EEF1AKMT3: variants seen among roughly 807,000 people sequenced by gnomAD.
EEF1AKMT3 encodes eEF1A-KMT3.
In EEF1AKMT3, 17 loss-of-function variants were observed where a neutral mutation model predicts 17.8. The ratio of observed to expected loss-of-function variants is 0.96; its 90% CI spans 0.65 to 1.43. EEF1AKMT3 has a LOEUF of 1.43. EEF1AKMT3 is among the 40% of genes most tolerant of loss of function. The pLI is 0.00. For synonymous variants in EEF1AKMT3, 116 were observed against 126.5 expected (o/e 0.92, Z 0.56); for missense variants, 244 against 285.8 (o/e 0.85, Z 1.06).
At chr12:57,775,047 G>A (rs12297635) in intron 2 of EEF1AKMT3, among the ~76,000 whole-genome samples, 3,355 of 140,624 alleles carry the variant, frequency 0.024, 133 homozygotes, top group African/African-American at 0.083. Flanking sequence ...GGAGGTTGCA[G>A]TGAGCCAAGA....
In EEF1AKMT3 at chr12:57,782,096, T is replaced by C. The variant is rs1320574215; in HGVS notation, c.*1450T>C. On this transcript the variant is annotated 3_prime_UTR_variant, in exon 3 of 3. Coordinates refer to ENST00000300209, the MANE Select transcript of EEF1AKMT3 (RefSeq NM_015433.3). ...TTTCTGACTTCTTTCACACTCTTTA[T>C]GATAATCCTCTGCCTGAAAGGCTAT... The C allele has an allele frequency of 6.6e-6, 1 of 152,270 alleles. No individual in the cohort carries two copies. The highest frequency in any genetic ancestry group is 1.5e-5 in the Non-Finnish European group (1 of 68,048). The allele number at this position is 152,270 out of a possible 1,614,324, so 9.4% of individuals were successfully genotyped here.
At position 57,772,709 on chromosome 12, in the gene EEF1AKMT3, TC is replaced by T; in HGVS notation, c.-13del. On this transcript the variant is annotated 5_prime_UTR_variant, in exon 1 of 3. Coordinates refer to ENST00000300209, the MANE Select transcript of EEF1AKMT3 (RefSeq NM_015433.3). The surrounding 1 kb of genome is among the most constrained non-coding windows in gnomAD (Gnocchi z 4.1). ...AGCGCCGGCCGCGGTGCCCAGGCAC[TC>T]CCTTGGCGGGCCGGATGGCGGACCC... 2 of 1,608,080 alleles carry T rather than the reference TC, an allele frequency of 1.2e-6. No individual in the cohort carries two copies. The highest frequency in any genetic ancestry group is 8.5e-7 in the Non-Finnish European group (1 of 1,176,792).
intron 2 of EEF1AKMT3, among the ~76,000 whole-genome samples, chr12:57,777,182 T>C (rs1463418279): frequency 6.6e-6 from 1 of 152,160 alleles, no homozygotes; most frequent in African/African-American, 2.4e-5. Context: ...CCATCTCTCC[T>C]GCATTCTCAG....
At position 57,780,769 on chromosome 12, in the gene EEF1AKMT3, C is replaced by G; in HGVS notation, c.*123C>G. On this transcript the variant is annotated 3_prime_UTR_variant, in exon 3 of 3. Transcript: ENST00000300209. ...GGATGGATTTCCCTGGCCTCTCTCA[C>G]TTTCCTCCTTCCCTCTTTGTTACCC... 7.7e-7 allele frequency: 1 copy of G among 1,297,040 alleles called. No homozygotes were observed. Among genetic ancestry groups the G allele is most frequent in the Admixed American group, 2.6e-5 (1 of 39,086 alleles). 80.3% of individuals were successfully genotyped at this position (1,297,040 alleles called of 1,614,324 possible). A position where few individuals can be genotyped will look rare whatever the true frequency, so the allele number is the denominator to read the frequency against.
In EEF1AKMT3 at chr12:57,780,280, GC is replaced by G. The variant is rs779630050; in HGVS notation, c.319del (p.Leu107TrpfsTer3). ...QGGDVTITDLPLALEQIQGNV... is the reference protein window; with the variant it reads ...QGGDVTITDLXLALEQIQGNV... Reference sequence around the variant, plus strand: ...GGGGGGATGTTACCATCACTGACCTGCCCCTGGCCCTAGAACAGATCCAGGG... The same window carrying G: ...GGGGGGATGTTACCATCACTGACCTGCCCTGGCCCTAGAACAGATCCAGGG... On this transcript the variant is annotated frameshift_variant, in exon 3 of 3. Coordinates refer to ENST00000300209, the MANE Select transcript of EEF1AKMT3 (RefSeq NM_015433.3). LOFTEE classifies it high-confidence loss of function. 9.3e-6 allele frequency: 15 copies of G among 1,613,586 alleles called. No individual in the cohort carries two copies. In the East Asian group the frequency reaches 3.3e-4, roughly 36 times the overall value.
chr12:57,778,738 A>G (rs1048137053), intron 2 of EEF1AKMT3, among the ~76,000 whole-genome samples: 1 of 152,160 alleles, frequency 6.6e-6, no homozygotes, highest in Non-Finnish European at 1.5e-5. Context: ...TTAAACCATC[A>G]TCATCTCTCA....
rs1331387707 is a variant in EEF1AKMT3 at position 57,782,538 on chromosome 12, C to A, written c.*1892C>A. The A allele has an allele frequency of 2.1e-5, 10 of 486,974 alleles. No individual in the cohort carries two copies. The East Asian group carries it at 2.9e-4, about 14-fold the overall frequency. The allele number at this position is 486,974 out of a possible 1,614,324, so 30.2% of individuals were successfully genotyped here. ...TTGAAAATAAACATAAAATGTTACCCACATTTCTTGTGTTGTTGTTTTGTG... is the reference window on the plus strand; with the variant it reads ...TTGAAAATAAACATAAAATGTTACCAACATTTCTTGTGTTGTTGTTTTGTG... On this transcript the variant is annotated 3_prime_UTR_variant, in exon 3 of 3. Coordinates refer to ENST00000300209, the MANE Select transcript of EEF1AKMT3 (RefSeq NM_015433.3).
In EEF1AKMT3 at chr12:57,773,127, G is replaced by A; in HGVS notation, c.288G>A (p.Gln96=). ...TGIVGILAAL[Q]GGDVTITDLP... is the part of the protein sequence containing the mutation. The stretch of plus-strand genomic sequence containing the variant: ...TCGTGGGGATCTTGGCAGCGCTGCA[G>A]GGTGCGTGAGCTGGCTTTTTACGGG... The change falls in exon 2 of 3, where the codon CAG becomes CAA. Residue 96 remains glutamine (Q), a splice_region_variant and synonymous_variant. Coordinates refer to ENST00000300209, the MANE Select transcript of EEF1AKMT3 (RefSeq NM_015433.3). 1 of 1,614,114 alleles carries A rather than the reference G, an allele frequency of 6.2e-7. No individual in the cohort carries two copies. The highest frequency in any genetic ancestry group is 8.5e-7 in the Non-Finnish European group (1 of 1,179,982).
At chr12:57,778,308 T>TTTTTTTTTTTTTTTTTA (rs1955493010) in intron 2 of EEF1AKMT3, among the ~76,000 whole-genome samples, 1 of 118,338 alleles carries the variant, frequency 8.5e-6, no homozygotes, top group African/African-American at 2.9e-5. Flanking sequence ...TTTTTTTTTT[T>TTTTTTTTTTTTTTTTTA]GAGACAGGTT....
chr12:57,779,784 G>C (rs914935621), intron 2 of EEF1AKMT3, among the ~76,000 whole-genome samples: 15 of 152,116 alleles, frequency 9.9e-5, no homozygotes, highest in African/African-American at 3.6e-4. Context: ...CATCCTCTAA[G>C]ATGCAGCCTT....
chr12:57,774,843 T>C (rs950351138), intron 2 of EEF1AKMT3: 1 of 1,411,762 alleles, frequency 7.1e-7, no homozygotes, highest in South Asian at 1.3e-5. Context: ...CGGTGGCTCA[T>C]GCCTATAATC....
At chr12:57,779,263 T>G (rs1595130679) in intron 2 of EEF1AKMT3, among the ~76,000 whole-genome samples, 1 of 152,146 alleles carries the variant, frequency 6.6e-6, no homozygotes, top group Non-Finnish European at 1.5e-5. Flanking sequence ...CCCCCTTCCC[T>G]GCTTGGGGCT....
intron 2 of EEF1AKMT3, among the ~76,000 whole-genome samples, chr12:57,775,505 C>T (rs1322823556): frequency 6.6e-6 from 1 of 152,112 alleles, no homozygotes; most frequent in Non-Finnish European, 1.5e-5. Flanking sequence ...CCTCAGCCTC[C>T]CGAGTAGCTG....
rs1955509383 is a variant in EEF1AKMT3 at position 57,780,868 on chromosome 12, G to A, written c.*222G>A. 5.0e-6 allele frequency: 3 copies of A among 600,146 alleles called. No homozygotes were observed. Among genetic ancestry groups the A allele is most frequent in the Non-Finnish European group, 8.6e-6 (3 of 348,248 alleles). 37.2% of individuals were successfully genotyped at this position (600,146 alleles called of 1,614,324 possible). Reference sequence around the variant, plus strand: ...CAGAGTTCTGGCAGCACTAGTGTTAGAACACCAAGGAGGTTCCTGGCTCCT... The same window carrying A: ...CAGAGTTCTGGCAGCACTAGTGTTAAAACACCAAGGAGGTTCCTGGCTCCT... On this transcript the variant is annotated 3_prime_UTR_variant, in exon 3 of 3. Transcript: ENST00000300209.
At chr12:57,779,450 T>A (rs1342792835) in intron 2 of EEF1AKMT3, among the ~76,000 whole-genome samples, 1 of 152,162 alleles carries the variant, frequency 6.6e-6, no homozygotes, top group African/African-American at 2.4e-5. Flanking sequence ...TAAATATGAA[T>A]GAATGAATGG....
intron 2 of EEF1AKMT3, among the ~76,000 whole-genome samples, chr12:57,774,083 A>G (rs1189050183): frequency 6.6e-6 from 1 of 152,234 alleles, no homozygotes; most frequent in African/African-American, 2.4e-5. Flanking sequence ...ATGGGCAGAA[A>G]AAACCTCAAA....
chr12:57,779,986 C>T (rs1443634602), intron 2 of EEF1AKMT3, among the ~76,000 whole-genome samples: 1 of 152,168 alleles, frequency 6.6e-6, no homozygotes, highest in African/African-American at 2.4e-5. Flanking sequence ...CCAGCTTAGT[C>T]CTGCCCAGGC....
rs1955452308 is a variant in EEF1AKMT3 at position 57,772,902 on chromosome 12, G to A, written c.177+1G>A. On this transcript the variant is annotated splice_donor_variant, in intron 1 of 2. Transcript: ENST00000300209. LOFTEE classifies it high-confidence loss of function. This position sits in a 1 kb window ranked among gnomAD's most constrained non-coding sequence, Gnocchi z 4.1. ...GGTGGCGGCGCGCGTGTGGGACGCG[G>A]TGAGGAATGGGCTGCGCCGGGTGAG... The A allele has an allele frequency of 3.7e-6, 6 of 1,613,946 alleles. No homozygotes were observed. The highest frequency in any genetic ancestry group is 2.2e-5 in the East Asian group (1 of 44,886).
chr12:57,780,235 TC>T lies in EEF1AKMT3; in HGVS notation c.290-18del, dbSNP rs780971770. On this transcript the variant is annotated intron_variant, in intron 2 of 2. Transcript: ENST00000300209. ...GGTTGGTTCCTCTGACTTGCATTTT[TC>T]CTCCTTCCTCTCTCTCAGGGGGGGA... The T allele has an allele frequency of 8.7e-6, 14 of 1,606,842 alleles. No homozygotes were observed. The Admixed American group carries it at 2.1e-4, about 24-fold the overall frequency.
Sources: allele counts gnomAD v4.1 joint callset (sites outside exome capture counted in the v4.1 genomes callset), GRCh38; gene constraint gnomAD v4.1.1; non-coding constraint Gnocchi (gnomAD v3.1); transcripts MANE v1.5; gene names NCBI Gene and HGNC (gene_info 2026-07-23, HGNC 2026-07-21).